The following IGF2R variants were observed in gnomAD, a reference collection of about 807,000 sequenced individuals.
The protein encoded by IGF2R is cation-independent mannose-6-phosphate receptor.
IGF2R carries 91 observed loss-of-function variants against 270.6 expected under a neutral mutation model. The observed-to-expected ratio is 0.34, with a 90% CI of 0.28 to 0.40. The LOEUF is 0.40. IGF2R is among the 10% of genes least tolerant of loss of function. The pLI is 1.00. For missense variants in IGF2R, 2,805 were observed against 3,188.3 expected, an observed-to-expected ratio of 0.88 and a Z score of 2.90; for synonymous variants, 1,316 against 1,258.9, an observed-to-expected ratio of 1.05 and a Z score of -0.96.
At chr6:160,062,737 C>T (rs148114201) in intron 26 of IGF2R, 118 bp downstream of exon 26, 13 of 639,052 alleles carry the variant, frequency 2.0e-5, no homozygotes, top group African/African-American at 5.7e-5. Context: ...ATGAGACACA[C>T]GCTAGGGGGA....
chr6:159,980,220 A>AAAGGAAGAAAGGAAGAAAGGAAGG (rs1562330591), intron 1 of IGF2R, among the ~76,000 whole-genome samples: 1 of 135,722 alleles, frequency 7.4e-6, no homozygotes. Context: ...AGAAAGAAAG[A>AAAGGAAGAAAGGAAGAAAGGAAGG]AAGAAAGAAA....
intron 1 of IGF2R, among the ~76,000 whole-genome samples, chr6:159,980,216 A>AAAGG: frequency 7.9e-6 from 1 of 126,298 alleles, no homozygotes; most frequent in South Asian, 2.6e-4. Flanking sequence ...AGAAAGAAAG[A>AAAGG]AAGAAAGAAA....
intron 33 of IGF2R, 150 bp downstream of exon 33, chr6:160,073,034 C>A: frequency 7.3e-7 from 1 of 1,361,976 alleles, no homozygotes; most frequent in Non-Finnish European, 1.0e-6. Context: ...ATGTGGGGGA[C>A]ACATGGTCAT....
In IGF2R at chr6:159,997,553, T is replaced by C. The variant is rs141024141; in HGVS notation, c.289+6230T>C. On this transcript the variant is annotated intron_variant, in intron 2 of 47. Transcript: ENST00000356956. ...TCTCCCACAGTTCGGGTACCAGCAGTCGACCACAGAGGTGAGGGGCAGCAA... is the reference window on the plus strand; with the variant it reads ...TCTCCCACAGTTCGGGTACCAGCAGCCGACCACAGAGGTGAGGGGCAGCAA... Among the ~76,000 whole-genome samples, 348 of 152,278 alleles carry C rather than the reference T, an allele frequency of 2.3e-3. 1 individual carries two copies. The highest frequency in any genetic ancestry group is 8.0e-3 in the African/African-American group (333 of 41,562).
intron 1 of IGF2R, among the ~76,000 whole-genome samples, chr6:159,972,227 C>G (rs1056270599): frequency 6.6e-6 from 1 of 152,078 alleles, no homozygotes; most frequent in Non-Finnish European, 1.5e-5. Flanking sequence ...AATAACTCGG[C>G]CAGGTCTCCA....
chr6:159,970,884 C>T (rs1783598971), intron 1 of IGF2R, among the ~76,000 whole-genome samples: 1 of 151,762 alleles, frequency 6.6e-6, no homozygotes, highest in Non-Finnish European at 1.5e-5. Flanking sequence ...TGGAGGCCAG[C>T]TTCAGCAACA....
intron 1 of IGF2R, among the ~76,000 whole-genome samples, chr6:159,969,719 C>T (rs1783579129): frequency 6.6e-6 from 1 of 152,034 alleles, no homozygotes; most frequent in Admixed American, 6.5e-5. Flanking sequence ...CCTGCCCTCG[C>T]GCGGCCGGGC....
chr6:160,084,836 T>G lies in IGF2R; in HGVS notation c.6069-159T>G, dbSNP rs2114725667. Among the ~76,000 whole-genome samples the G allele has an allele frequency of 6.6e-6, 1 of 152,216 alleles. No individual in the cohort carries two copies. The highest frequency in any genetic ancestry group is 2.4e-5 in the African/African-American group (1 of 41,534). On this transcript the variant is annotated intron_variant, in intron 40 of 47. Transcript: ENST00000356956. The surrounding 1 kb of genome is among the most constrained non-coding windows in gnomAD (Gnocchi z 4.6). The stretch of plus-strand genomic sequence containing the variant: ...GTGAAGACTTCTTTTGCCCTTTTTT[T>G]TTTTAATTGGAAAAGCTATTTTAGT...
At chr6:160,073,692 G>A in intron 34 of IGF2R, 65 bp from the exon 35 acceptor site, 14 of 1,325,382 alleles carry the variant, frequency 1.1e-5, no homozygotes, top group Non-Finnish European at 1.5e-5. Flanking sequence ...AAATTCTTAT[G>A]GATGACCTAG....
intron 19 of IGF2R, among the ~76,000 whole-genome samples, chr6:160,055,952 A>G (rs73596492): frequency 0.015 from 2,210 of 152,262 alleles, 60 homozygotes; most frequent in African/African-American, 0.051. Flanking sequence ...CTACACATCA[A>G]GAAAGAACAT....
intron 10 of IGF2R, among the ~76,000 whole-genome samples, chr6:160,038,814 AC>A (rs1201627193): frequency 6.6e-6 from 1 of 152,068 alleles, no homozygotes; most frequent in African/African-American, 2.4e-5. Context: ...AACCAAACAA[AC>A]AAAAAACACA....
chr6:160,082,121 C>G (rs542113145), intron 39 of IGF2R, among the ~76,000 whole-genome samples: 2 of 152,156 alleles, frequency 1.3e-5, no homozygotes, highest in African/African-American at 4.8e-5. Context: ...CAGGTCCCTC[C>G]GTTCATGGTC....
At chr6:160,002,359 C>T (rs1784143307) in intron 2 of IGF2R, among the ~76,000 whole-genome samples, 1 of 152,196 alleles carries the variant, frequency 6.6e-6, no homozygotes, top group African/African-American at 2.4e-5. Flanking sequence ...CCACTGTACT[C>T]CTGCCTAGGT....
At position 160,004,789 on chromosome 6, in the gene IGF2R, CA is replaced by C. The variant is rs1262195967; in HGVS notation, c.290-4218del. 6 of 152,340 alleles carry C rather than the reference CA, an allele frequency of 3.9e-5. No individual in the cohort carries two copies. The highest frequency in any genetic ancestry group is 8.8e-5 in the Non-Finnish European group (6 of 68,276). 9.4% of individuals were successfully genotyped at this position (152,340 alleles called of 1,614,324 possible). On this transcript the variant is annotated intron_variant, in intron 2 of 47. Transcript: ENST00000356956. This position sits in a 1 kb window ranked among gnomAD's most constrained non-coding sequence, Gnocchi z 5.2. ...AGCATGGCCTAGAGTGTCACCAAAC[CA>C]AAGTGGACCCGCCTGCCTGTGCACC...
intron 32 of IGF2R, among the ~76,000 whole-genome samples, chr6:160,072,519 GTATGGCCCAGCAGAGGGTGCTGTGA>G (rs1439718567): frequency 7.2e-5 from 11 of 152,204 alleles, no homozygotes; most frequent in Non-Finnish European, 1.3e-4. Flanking sequence ...GGCTGCTGTG[GTATGGCCCAGCAGAGGGTGCTGTGA>G]GCCACGATCT....
Position 160,069,961 on chromosome 6 carries a change from G to A in IGF2R, c.4346G>A (p.Gly1449Asp). The A allele has an allele frequency of 6.2e-7, 1 of 1,614,182 alleles. No individual in the cohort carries two copies. Among genetic ancestry groups the A allele is most frequent in the South Asian group, 1.1e-5 (1 of 91,080 alleles). ...RVRDGPQWRD[G>D]IIVLKYVDGD... ...AGGGACGGACCTCAGTGGAGAGATG[G>A]CATAATTGTCCTGAAATACGTTGAT... is the stretch of plus-strand genomic sequence containing the variant. Residue 1449 changes from glycine to aspartate, a missense_variant, in exon 31 of 48, where the codon GGC becomes GAC. Physicochemically the swap from Gly to Asp is moderately conservative, Grantham distance 94 (BLOSUM62 -1). Transcript: ENST00000356956.
At chr6:160,079,368 A>AGGAGGAGCAAGCAAGCTGGGCCTAGGG (rs1307935526) in intron 37 of IGF2R, among the ~76,000 whole-genome samples, 1 of 152,192 alleles carries the variant, frequency 6.6e-6, no homozygotes, top group African/African-American at 2.4e-5. Context: ...AGCAGGGAGC[A>AGGAGGAGCAAGCAAGCTGGGCCTAGGG]GGAGGAGCAA....
chr6:160,000,146 A>G (rs1784106600), intron 2 of IGF2R, among the ~76,000 whole-genome samples: 1 of 152,232 alleles, frequency 6.6e-6, no homozygotes, highest in Non-Finnish European at 1.5e-5. Context: ...AACTTCACTA[A>G]TAAGCCAGGT....
At chr6:160,046,439 C>T in intron 14 of IGF2R, 59 bp from the exon 15 acceptor site, 2 of 1,514,290 alleles carry the variant, frequency 1.3e-6, no homozygotes, top group Non-Finnish European at 1.8e-6. Flanking sequence ...TGGGGTGAGA[C>T]CACTCTGTTA....
Sources: allele counts gnomAD v4.1 joint callset (sites outside exome capture counted in the v4.1 genomes callset), GRCh38; gene constraint gnomAD v4.1.1; non-coding constraint Gnocchi (gnomAD v3.1); transcripts MANE v1.5; gene names NCBI Gene and HGNC (gene_info 2026-07-23, HGNC 2026-07-21).